SOX5: variants seen among roughly 807,000 people sequenced by gnomAD.
The protein encoded by SOX5 is transcription factor SOX-5.
A neutral mutation model predicts 92.0 loss-of-function variants in SOX5; 9 were observed. The observed-to-expected ratio is 0.10, with a 90% CI of 0.06 to 0.17. The LOEUF (loss-of-function observed/expected upper bound fraction) is 0.17, where lower values mean the gene tolerates loss of function less well. SOX5 is among the 10% of genes least tolerant of loss of function. The pLI, the probability that SOX5 is intolerant of heterozygous loss-of-function variation, is 1.00. For missense variants in SOX5, 642 were observed against 944.5 expected (o/e 0.68, Z 4.20); for synonymous variants, 344 against 336.3 (o/e 1.02, Z -0.25).
chr12:23,579,717 A>T (rs1490129098), intron 9 of SOX5, among the ~76,000 whole-genome samples: 1 of 152,156 alleles, frequency 6.6e-6, no homozygotes, highest in African/African-American at 2.4e-5. Flanking sequence ...ATGTAGGAGA[A>T]ATTCAAAAGC....
chr12:23,536,963 A>C (rs1293205144), intron 13 of SOX5, among the ~76,000 whole-genome samples: 1 of 152,042 alleles, frequency 6.6e-6, no homozygotes, highest in Non-Finnish European at 1.5e-5. Flanking sequence ...TCATTTCTAC[A>C]TTAGATCATG....
chr12:24,282,731 C>A (rs533511638), intron 2 of SOX5, among the ~76,000 whole-genome samples: 2 of 152,320 alleles, frequency 1.3e-5, no homozygotes, highest in South Asian at 4.1e-4. Context: ...GCGCCGCTCC[C>A]ATTTCCTAGT....
chr12:24,513,123 C>T (rs1173370049), intron 1 of SOX5, among the ~76,000 whole-genome samples: 1 of 152,238 alleles, frequency 6.6e-6, no homozygotes, highest in Non-Finnish European at 1.5e-5. Flanking sequence ...TGCAGCTAAA[C>T]AACTGAGGCT....
chr12:23,737,980 C>T, intron 5 of SOX5, among the ~76,000 whole-genome samples: 1 of 152,198 alleles, frequency 6.6e-6, no homozygotes, highest in East Asian at 1.9e-4. Flanking sequence ...TAATACTTAG[C>T]AACGTACAGT....
chr12:24,168,674 T>C (rs1238274480), intron 4 of SOX5, among the ~76,000 whole-genome samples: 1 of 151,902 alleles, frequency 6.6e-6, no homozygotes, highest in Non-Finnish European at 1.5e-5. Flanking sequence ...CAGAAGAAAA[T>C]TGGACAAGGC....
At chr12:24,236,234 TAAA>T (rs1274678508) in intron 3 of SOX5, among the ~76,000 whole-genome samples, 3 of 151,936 alleles carry the variant, frequency 2.0e-5, no homozygotes, top group South Asian at 2.1e-4. Context: ...TAAAATAAAA[TAAA>T]GAAGTAACAG....
intron 3 of SOX5, among the ~76,000 whole-genome samples, chr12:24,269,502 A>G (rs1286154729): frequency 6.6e-6 from 1 of 152,152 alleles, no homozygotes. Flanking sequence ...AATTCAGCAT[A>G]TAATATGGTG....
At position 23,530,418 on chromosome 12, in the gene SOX5, G is replaced by A. The variant is rs887122584; in HGVS notation, c.*3801C>T. 2.0e-5 allele frequency: 3 copies of A among 152,018 alleles called. No homozygotes were observed. Among genetic ancestry groups the A allele is most frequent in the African/African-American group, 2.4e-5 (1 of 41,386 alleles). The allele number at this position is 152,018 out of a possible 1,614,324, so 9.4% of individuals were successfully genotyped here. ...GTGAATTAAGGTAAAATTCTACTCCGGAAATCAAATCTATAAAATAGCTTC... is the reference window on the plus strand; with the variant it reads ...GTGAATTAAGGTAAAATTCTACTCCAGAAATCAAATCTATAAAATAGCTTC... On this transcript the variant is annotated 3_prime_UTR_variant, in exon 15 of 15. Coordinates refer to ENST00000451604, the MANE Select transcript of SOX5 (RefSeq NM_006940.6).
chr12:24,389,857 T>C (rs974010939), intron 1 of SOX5, among the ~76,000 whole-genome samples: 8 of 152,356 alleles, frequency 5.3e-5, no homozygotes, highest in African/African-American at 1.9e-4. Context: ...ATGCAGGTTC[T>C]AATTTCTCCA....
chr12:23,555,015 C>T (rs139740218), intron 11 of SOX5, among the ~76,000 whole-genome samples: 4 of 152,132 alleles, frequency 2.6e-5, no homozygotes, highest in Non-Finnish European at 4.4e-5. Context: ...TTATAAAGAG[C>T]AGTTCTGGCC....
Position 23,737,922 on chromosome 12 carries a change from C to A in SOX5, c.741+2945G>T, listed in dbSNP as rs138274413. ...AGCACCCATTTTAAAAGAACATATT[C>A]CCATAGATAATACCCTCATCTCCAA... On this transcript the variant is annotated intron_variant, in intron 5 of 14. Coordinates refer to ENST00000451604, the MANE Select transcript of SOX5 (RefSeq NM_006940.6). 3.1e-3 allele frequency among the ~76,000 whole-genome samples: 468 copies of A among 151,802 alleles called. 9 individuals are homozygous for A. Among genetic ancestry groups the A allele is most frequent in the Admixed American group, 0.029 (446 of 15,258 alleles).
intron 4 of SOX5, among the ~76,000 whole-genome samples, chr12:24,132,170 T>C (rs915353544): frequency 1.5e-5 from 2 of 137,164 alleles, no homozygotes; most frequent in African/African-American, 5.4e-5. Context: ...AGTAGTCTGC[T>C]ATGGGTTGGA....
rs187338074 is a variant in SOX5, at chr12:24,146,955, T to C, written c.-2+66388A>G. Reference sequence around the variant, plus strand: ...GAATAAATAGATAACACAAATAGCTTCATGTCTATTTTTTAAATGGGATGA... The same window carrying C: ...GAATAAATAGATAACACAAATAGCTCCATGTCTATTTTTTAAATGGGATGA... On this transcript the variant is annotated intron_variant, in intron 4 of 4. Coordinates refer to the SOX5 transcript ENST00000446891. 5.9e-5 allele frequency among the ~76,000 whole-genome samples: 9 copies of C among 152,234 alleles called. No homozygotes were observed. The East Asian group carries it at 1.7e-3, about 29-fold the overall frequency.
In SOX5 at chr12:23,601,524, T is replaced by C. The variant is rs567488765; in HGVS notation, c.1164+2863A>G. Among the ~76,000 whole-genome samples, 139 of 152,316 alleles carry C rather than the reference T, an allele frequency of 9.1e-4. No homozygotes were observed. The Middle Eastern group carries it at 0.01, about 11-fold the overall frequency. The stretch of plus-strand genomic sequence containing the variant: ...ACCCTTTAATAAAATAACTCTATTT[T>C]ATGGTAACATAGACATGAACATTTG... On this transcript the variant is annotated intron_variant, in intron 9 of 14. Coordinates refer to ENST00000451604, the MANE Select transcript of SOX5 (RefSeq NM_006940.6).
At chr12:24,248,356 T>G (rs1470047490) in intron 3 of SOX5, among the ~76,000 whole-genome samples, 1 of 152,188 alleles carries the variant, frequency 6.6e-6, no homozygotes, top group Non-Finnish European at 1.5e-5. Flanking sequence ...CTGCCAAAAA[T>G]TGGAAATCAC....
chr12:23,546,835 G>A (rs1251148186), intron 11 of SOX5, among the ~76,000 whole-genome samples: 2 of 152,174 alleles, frequency 1.3e-5, no homozygotes, highest in African/African-American at 2.4e-5. Context: ...ATAGTCAGGT[G>A]ACCAAATAAT....
At chr12:23,637,543 A>G (rs1452435196) in intron 8 of SOX5, among the ~76,000 whole-genome samples, 1 of 151,992 alleles carries the variant, frequency 6.6e-6, no homozygotes, top group East Asian at 1.9e-4. Flanking sequence ...CATTCCCACA[A>G]TATATATGAG....
At chr12:23,796,906 T>TA (rs1388146346) in intron 3 of SOX5, among the ~76,000 whole-genome samples, 2 of 126,000 alleles carry the variant, frequency 1.6e-5, no homozygotes, top group East Asian at 3.0e-4. Flanking sequence ...TATATATATA[T>TA]TTATATATAT....
intron 1 of SOX5, among the ~76,000 whole-genome samples, chr12:24,552,058 A>G (rs1274455139): frequency 1.5e-5 from 2 of 136,768 alleles, no homozygotes; most frequent in Non-Finnish European, 3.1e-5. Context: ...TAGAATACAT[A>G]TAACTGGCCC....
Sources: allele counts gnomAD v4.1 joint callset (sites outside exome capture counted in the v4.1 genomes callset), GRCh38; gene constraint gnomAD v4.1.1; transcripts MANE v1.5; gene names NCBI Gene and HGNC (gene_info 2026-07-23, HGNC 2026-07-21).